Variants in FTCDNL1 observed in about 807,000 individuals in gnomAD.
FTCDNL1 encodes formiminotransferase N-terminal subdomain-containing protein.
FTCDNL1 carries 11 observed loss-of-function variants against 5.9 expected under a neutral mutation model. The observed-to-expected ratio is 1.87, with a 90% CI of 1.18 to 3.10. The LOEUF is 3.10. Ranked by LOEUF, FTCDNL1 falls within the 30% of genes most tolerant of loss-of-function variation. The pLI is 0.00. For synonymous variants in FTCDNL1, 58 were observed against 24.8 expected (o/e 2.34, Z -3.99); for missense variants, 115 against 65.5 (o/e 1.76, Z -2.61).
chr2:199,771,223 T>C (rs1698792542), intron 3 of FTCDNL1, among the ~76,000 whole-genome samples: 1 of 152,110 alleles, frequency 6.6e-6, no homozygotes, highest in Non-Finnish European at 1.5e-5. Context: ...TATAAGACAA[T>C]AGAGAACATG....
At chr2:199,682,433 T>G in the FTCDNL1 span, among the ~76,000 whole-genome samples, 2 of 152,180 alleles carry the variant, frequency 1.3e-5, no homozygotes, top group Admixed American at 1.3e-4. Flanking sequence ...TTTGTTTCTC[T>G]GGAGAACCCT....
At position 199,811,758 on chromosome 2, in the gene FTCDNL1, T is replaced by A. The variant is rs987780283; in HGVS notation, c.*947A>T. Among the ~76,000 whole-genome samples the A allele has an allele frequency of 1.3e-5, 2 of 152,088 alleles. No individual in the cohort carries two copies. The highest frequency in any genetic ancestry group is 1.9e-4 in the East Asian group (1 of 5,192). ...CTCTTCCATTGCATGTCTAATAACT[T>A]CCCCCTGTTAGTAGAATTTCCAAAG... On this transcript the variant is annotated 3_prime_UTR_variant, in exon 5 of 5. Transcript: ENST00000420128.
intron 4 of FTCDNL1, among the ~76,000 whole-genome samples, chr2:199,814,540 T>C (rs1360473963): frequency 2.6e-5 from 4 of 152,202 alleles, no homozygotes; most frequent in South Asian, 2.1e-4. Flanking sequence ...CAAATTTACC[T>C]CCCATAATTA....
the FTCDNL1 span, among the ~76,000 whole-genome samples, chr2:199,741,811 TA>T: frequency 1.1e-3 from 168 of 150,392 alleles, no homozygotes; most frequent in African/African-American, 3.7e-3. Flanking sequence ...AATCCTACAG[TA>T]AAAAAAAAAT....
chr2:199,774,648 T>A (rs1698972913), intron 3 of FTCDNL1, among the ~76,000 whole-genome samples: 1 of 152,090 alleles, frequency 6.6e-6, no homozygotes, highest in Non-Finnish European at 1.5e-5. Flanking sequence ...GGTATCCCCT[T>A]TCTAAGACTC....
At chr2:199,688,687 G>A in the FTCDNL1 span, among the ~76,000 whole-genome samples, 2 of 152,170 alleles carry the variant, frequency 1.3e-5, no homozygotes, top group Admixed American at 6.5e-5. Context: ...CTTTGAGAAA[G>A]ATTCAGTTTT....
In FTCDNL1 at chr2:199,788,620, C is replaced by T. The variant is rs562918069; in HGVS notation, c.212-27785G>A. On this transcript the variant is annotated intron_variant, in intron 3 of 3. Transcript: ENST00000416668. The stretch of plus-strand genomic sequence containing the variant: ...TAAAAATTAAAGAATTAAATATTCC[C>T]TCTTTAAAATTAGGATAATAAACAC... 2.6e-5 allele frequency among the ~76,000 whole-genome samples: 4 copies of T among 151,892 alleles called. No homozygotes were observed. The East Asian group carries it at 7.7e-4, about 29-fold the overall frequency.
chr2:199,839,131 C>T (rs368225384), intron 3 of FTCDNL1, among the ~76,000 whole-genome samples: 8 of 151,820 alleles, frequency 5.3e-5, no homozygotes, highest in African/African-American at 1.2e-4. Flanking sequence ...GCAGCCAACA[C>T]GGCATTATCA....
chr2:199,787,242 G>A (rs1699702229), intron 3 of FTCDNL1, among the ~76,000 whole-genome samples: 1 of 151,862 alleles, frequency 6.6e-6, no homozygotes, highest in Non-Finnish European at 1.5e-5. Context: ...AGTGCAAGTG[G>A]CACGATCTTG....
intron 3 of FTCDNL1, among the ~76,000 whole-genome samples, chr2:199,843,455 C>T (rs2076645224): frequency 6.6e-6 from 1 of 152,152 alleles, no homozygotes; most frequent in South Asian, 2.1e-4. Context: ...TGAATTTTAA[C>T]TCTTTCTTGG....
intron 3 of FTCDNL1, among the ~76,000 whole-genome samples, chr2:199,789,900 C>G (rs1559188924): frequency 6.6e-6 from 1 of 151,972 alleles, no homozygotes; most frequent in African/African-American, 2.4e-5. Context: ...AAGAAAGATA[C>G]AGGACCTGCA....
chr2:199,830,618 C>G (rs1407873673), intron 3 of FTCDNL1, among the ~76,000 whole-genome samples: 1 of 152,100 alleles, frequency 6.6e-6, no homozygotes, highest in Admixed American at 6.6e-5. Context: ...CTTACACCAC[C>G]ATCAAAGCCG....
At chr2:199,710,388 G>A in the FTCDNL1 span, among the ~76,000 whole-genome samples, 1 of 152,110 alleles carries the variant, frequency 6.6e-6, no homozygotes, top group South Asian at 2.1e-4. Context: ...AACAATATAT[G>A]TTAAATAAAT....
chr2:199,737,686 A>G, the FTCDNL1 span, among the ~76,000 whole-genome samples: 4,140 of 152,312 alleles, frequency 0.027, 185 homozygotes, highest in African/African-American at 0.094. Context: ...AGCTGGCTTC[A>G]TAGGCTCATA....
the FTCDNL1 span, among the ~76,000 whole-genome samples, chr2:199,725,073 G>A: frequency 6.6e-6 from 1 of 152,130 alleles, no homozygotes; most frequent in East Asian, 1.9e-4. Flanking sequence ...TCCTGTATTG[G>A]ATGCATATAT....
the FTCDNL1 span, among the ~76,000 whole-genome samples, chr2:199,690,406 C>T: frequency 6.6e-6 from 1 of 152,142 alleles, no homozygotes; most frequent in African/African-American, 2.4e-5. Context: ...AGGCCTAGGC[C>T]CGTTCCATTC....
At chr2:199,760,728 C>T (rs990940120) in exon 4 of FTCDNL1, 4 of 697,288 alleles carry the variant, frequency 5.7e-6, no homozygotes, top group African/African-American at 5.2e-5. Flanking sequence ...GTTGGTTTTC[C>T]TCCATGAGTC....
the FTCDNL1 span, among the ~76,000 whole-genome samples, chr2:199,697,286 TA>T: frequency 6.6e-6 from 1 of 151,410 alleles, no homozygotes; most frequent in Non-Finnish European, 1.5e-5. Flanking sequence ...AATAAATAAA[TA>T]AAAAAAGATG....
intron 3 of FTCDNL1, among the ~76,000 whole-genome samples, chr2:199,765,152 G>A (rs1406179334): frequency 1.3e-5 from 2 of 152,202 alleles, no homozygotes; most frequent in African/African-American, 4.8e-5. Flanking sequence ...AAACTATTAT[G>A]TAAGATACTA....
Sources: gnomAD v4.1 joint callset for allele counts (sites outside exome capture counted in the v4.1 genomes callset) on GRCh38, gnomAD v4.1.1 for gene constraint, MANE v1.5 for transcripts, NCBI Gene and HGNC (gene_info 2026-07-23, HGNC 2026-07-21) for gene names.